MTSS1: variants seen among roughly 807,000 people sequenced by gnomAD.
MTSS1 encodes the protein MTSS I-BAR domain containing 1, also known as protein MTSS 1.
Under a neutral mutation model 79.0 loss-of-function variants are expected in MTSS1, and 18 were observed. The observed-to-expected ratio is 0.23, with a 90% CI of 0.16 to 0.34. The LOEUF is 0.34. Ranked by LOEUF, MTSS1 falls within the 10% of genes least tolerant of loss-of-function variation. The probability of loss-of-function intolerance (pLI) is 1.00; values close to 1 mark genes in which losing one functional copy is unlikely to be tolerated. For synonymous variants in MTSS1, 341 were observed against 368.6 expected, an observed-to-expected ratio of 0.93 and a Z score of 0.86; for missense variants, 815 against 986.2, an observed-to-expected ratio of 0.83 and a Z score of 2.33.
At chr8:124,647,204 A>C (rs996180949) in intron 3 of MTSS1, among the ~76,000 whole-genome samples, 18 of 152,128 alleles carry the variant, frequency 1.2e-4, no homozygotes, top group Non-Finnish European at 2.1e-4. Flanking sequence ...TTCAAAGTAC[A>C]TTTTCATACT....
intron 3 of MTSS1, among the ~76,000 whole-genome samples, chr8:124,684,120 A>T (rs1195196223): frequency 6.6e-6 from 1 of 152,178 alleles, no homozygotes; most frequent in Admixed American, 6.5e-5. Context: ...TTTTTTCTAG[A>T]CGAATGAACT....
chr8:124,555,308 C>G (rs12550707), intron 13 of MTSS1, among the ~76,000 whole-genome samples: 24,092 of 151,976 alleles, frequency 0.16, 2,408 homozygotes, highest in Admixed American at 0.25. Context: ...TGCAGTGGCG[C>G]GATCTCAGCT....
intron 3 of MTSS1, among the ~76,000 whole-genome samples, chr8:124,599,254 C>T (rs1300755846): frequency 6.6e-6 from 1 of 152,084 alleles, no homozygotes; most frequent in African/African-American, 2.4e-5. Flanking sequence ...GAGGCCGAGG[C>T]GGGCCGATTG....
intron 4 of MTSS1, 106 bp downstream of exon 4, chr8:124,591,045 G>T: frequency 1.0e-6 from 1 of 963,342 alleles, no homozygotes; most frequent in Non-Finnish European, 1.7e-6. Flanking sequence ...AATGAGCCAA[G>T]TCAGACAGAT....
intron 3 of MTSS1, among the ~76,000 whole-genome samples, chr8:124,686,330 AAAC>A (rs1304842303): frequency 6.6e-6 from 1 of 152,026 alleles, no homozygotes; most frequent in Non-Finnish European, 1.5e-5. Context: ...AATCTTCTGA[AAAC>A]AAAAAAAAAA....
rs987470642 is a variant in MTSS1, at chr8:124,728,172, G to C, written c.-217C>G. 5 of 429,716 alleles carry C rather than the reference G, an allele frequency of 1.2e-5. No homozygotes were observed. Among genetic ancestry groups the C allele is most frequent in the Non-Finnish European group, 2.1e-5 (5 of 243,762 alleles). The allele number at this position is 429,716 out of a possible 1,614,324, so 26.6% of individuals were successfully genotyped here. On this transcript the variant is annotated 5_prime_UTR_variant, in exon 1 of 14. Transcript: ENST00000518547. This position sits in a 1 kb window ranked among gnomAD's most constrained non-coding sequence, Gnocchi z 6.1. ...AGCCAAACCGCTCTGTAGGGTATTC[G>C]CCTACAAGCAGCGCTCGGCTCCTGG...
chr8:124,639,054 C>G (rs894446669), intron 3 of MTSS1, among the ~76,000 whole-genome samples: 2 of 152,182 alleles, frequency 1.3e-5, no homozygotes, highest in African/African-American at 4.8e-5. Flanking sequence ...TATTGGCGGC[C>G]TGGCCCAGGT....
chr8:124,601,092 A>C (rs1587153822), intron 3 of MTSS1, among the ~76,000 whole-genome samples: 14 of 108,466 alleles, frequency 1.3e-4, no homozygotes, highest in Non-Finnish European at 1.2e-4. Flanking sequence ...TTTGAGTCTC[A>C]CTCTGTTGCC....
intron 1 of MTSS1, among the ~76,000 whole-genome samples, chr8:124,717,337 CAAA>C (rs1417514442): frequency 7.3e-6 from 1 of 136,148 alleles, no homozygotes; most frequent in African/African-American, 2.7e-5. Context: ...ACTAAAGATA[CAAA>C]AAAAAAAAAG....
At chr8:124,607,150 A>G (rs1029637370) in intron 3 of MTSS1, among the ~76,000 whole-genome samples, 4 of 152,226 alleles carry the variant, frequency 2.6e-5, no homozygotes, top group African/African-American at 9.6e-5. Context: ...TACGCTCGTA[A>G]TATTTGCTCT....
At position 124,553,491 on chromosome 8, in the gene MTSS1, C is replaced by T. The variant is rs1822925866; in HGVS notation, c.1769G>A (p.Arg590Gln). Residue 590 changes from arginine (R) to glutamine (Q), a missense_variant, in exon 14 of 14, where the codon CGA (arginine) becomes CAA (glutamine). Transcript: ENST00000518547. The surrounding 1 kb of genome is among the most constrained non-coding windows in gnomAD (Gnocchi z 6.0). ...AGAAGGCTTGGTGGAAGGGGTCCGT[C>T]GGATAGTTGCAACCCCTGGAGTGAC... ...AMVTPGVATI[R>Q]RTPSTKPSVR... 1.2e-6 allele frequency: 2 copies of T among 1,612,650 alleles called. No individual in the cohort carries two copies. The highest frequency in any genetic ancestry group is 1.7e-6 in the Non-Finnish European group (2 of 1,178,960).
chr8:124,591,061 G>A (rs1228496025), intron 4 of MTSS1, 90 bp downstream of exon 4: 1 of 1,061,096 alleles, frequency 9.4e-7, no homozygotes, highest in Non-Finnish European at 1.5e-6. Context: ...CAGATTGTGG[G>A]GATTTAAATG....
Position 124,553,201 on chromosome 8 carries a change from T to C in MTSS1, c.2059A>G (p.Arg687Gly). The change falls in exon 14 of 14, where the codon AGA becomes GGA. Residue 687 changes from arginine (R) to glycine (G), a missense_variant. Physicochemically the swap from Arg to Gly is moderately radical, Grantham distance 125. Coordinates refer to ENST00000518547, the MANE Select transcript of MTSS1 (RefSeq NM_014751.6). This position sits in a 1 kb window ranked among gnomAD's most constrained non-coding sequence, Gnocchi z 6.0. ...GPKPSIPEEHRQAIPESEAED... is the reference protein window; with the variant it reads ...GPKPSIPEEHGQAIPESEAED... ...GCTTCACTTTCTGGAATTGCCTGTC[T>C]GTGCTCCTCAGGGATACTGGGCTTC... is the stretch of plus-strand genomic sequence containing the variant. The C allele has an allele frequency of 6.2e-7, 1 of 1,614,190 alleles. No homozygotes were observed.
intron 3 of MTSS1, 49 bp from the exon 4 acceptor site, chr8:124,591,284 T>C (rs1318615125): frequency 6.8e-7 from 1 of 1,461,064 alleles, no homozygotes; most frequent in Non-Finnish European, 9.6e-7. Context: ...CTAGCAGGGA[T>C]CATGGAGGTC....
rs934707867 is a variant in MTSS1 at position 124,551,211 on chromosome 8, A to G, written c.*1781T>C. ...CCTTGCAGCGATTTCTGCTTTTGCA[A>G]AAACCATCTCAAGCATCATATGCAC... On this transcript the variant is annotated 3_prime_UTR_variant, in exon 14 of 14. Transcript: ENST00000518547. The G allele has an allele frequency of 6.6e-6, 1 of 152,666 alleles. No homozygotes were observed. Among genetic ancestry groups the G allele is most frequent in the Non-Finnish European group, 1.5e-5 (1 of 68,042 alleles). The allele number at this position is 152,666 out of a possible 1,614,324, so 9.5% of individuals were successfully genotyped here.
intron 2 of MTSS1, among the ~76,000 whole-genome samples, chr8:124,702,200 A>C (rs1220261389): frequency 2.0e-5 from 3 of 152,382 alleles, no homozygotes; most frequent in Non-Finnish European, 4.4e-5. Context: ...ATCTTAAAAA[A>C]GTAGGGGAAA....
intron 2 of MTSS1, among the ~76,000 whole-genome samples, chr8:124,702,492 A>T (rs1270618484): frequency 2.6e-5 from 4 of 152,188 alleles, no homozygotes; most frequent in African/African-American, 9.7e-5. Flanking sequence ...TGTCCATCTG[A>T]GGCTGCAGTT....
At chr8:124,580,603 A>G (rs1829859057) in intron 6 of MTSS1, 3 of 1,534,868 alleles carry the variant, frequency 2.0e-6, no homozygotes, top group South Asian at 2.4e-5. Flanking sequence ...AGGATACACA[A>G]TTGACACAAA....
At chr8:124,715,342 TTTC>T (rs1224783760) in intron 1 of MTSS1, among the ~76,000 whole-genome samples, 2 of 152,202 alleles carry the variant, frequency 1.3e-5, no homozygotes, top group African/African-American at 2.4e-5. Context: ...TCTTTTTCTC[TTTC>T]TTCTTTTTTT....
Sources: gnomAD v4.1 joint callset for allele counts (sites outside exome capture counted in the v4.1 genomes callset) on GRCh38, gnomAD v4.1.1 for gene constraint, Gnocchi (gnomAD v3.1) non-coding constraint, MANE v1.5 for transcripts, NCBI Gene and HGNC (gene_info 2026-07-23, HGNC 2026-07-21) for gene names.